FGD1: variants seen among roughly 807,000 people sequenced by gnomAD.
The protein encoded by FGD1 is FYVE, RhoGEF and PH domain containing 1, also known as FYVE, RhoGEF and PH domain-containing protein 1.
A neutral mutation model predicts 65.0 loss-of-function variants in FGD1; 12 were observed. The ratio of observed to expected loss-of-function variants is 0.18; its 90% CI spans 0.12 to 0.30. The LOEUF (loss-of-function observed/expected upper bound fraction) is 0.30. FGD1 is among the 10% of genes least tolerant of loss of function. The probability of loss-of-function intolerance (pLI) is 1.00; values close to 1 mark genes in which losing one functional copy is unlikely to be tolerated. For synonymous variants in FGD1, 333 were observed against 343.9 expected (o/e 0.97, Z 0.35); for missense variants, 542 against 837.6 (o/e 0.65, Z 4.36).
At chrX:54,470,894 A>G (rs1199060452) in intron 2 of FGD1, 134 bp from the exon 3 acceptor site, 4 of 433,612 alleles carry the variant, frequency 9.2e-6, no homozygotes, top group African/African-American at 7.6e-5. Flanking sequence ...CTGTAGTCCC[A>G]GCTACTTGGG....
intron 1 of FGD1, among the ~76,000 whole-genome samples, chrX:54,473,984 A>ATATATAT (rs1557190000): frequency 9.8e-6 from 1 of 101,852 alleles, no homozygotes; most frequent in Admixed American, 1.0e-4. Context: ...CATCTCAAAA[A>ATATATAT]AAAAATATAT....
rs1369357840 is a variant in FGD1 at position 54,486,554 on chromosome X, T to C, written c.307+8572A>G. On this transcript the variant is annotated intron_variant, in intron 1 of 17. Coordinates refer to ENST00000375135, the MANE Select transcript of FGD1 (RefSeq NM_004463.3). Reference sequence around the variant, plus strand: ...AGCCACTGCGCCTGGCTGATTTCTGTATTTTTAGTAGAGACAACATTACGC... The same window carrying C: ...AGCCACTGCGCCTGGCTGATTTCTGCATTTTTAGTAGAGACAACATTACGC... Among the ~76,000 whole-genome samples, 3 of 111,626 alleles carry C rather than the reference T, an allele frequency of 2.7e-5. No individual in the cohort carries two copies. In the Admixed American group the frequency reaches 2.8e-4, roughly 11 times the overall value.
chrX:54,494,359 C>A (rs1335795996), intron 1 of FGD1, among the ~76,000 whole-genome samples: 1 of 107,621 alleles, frequency 9.3e-6, no homozygotes, highest in Non-Finnish European at 1.9e-5. Context: ...TCCCGCCACA[C>A]ACACCTGGCA....
At chrX:54,492,572 C>T (rs946801227) in intron 1 of FGD1, among the ~76,000 whole-genome samples, 6 of 112,492 alleles carry the variant, frequency 5.3e-5, no homozygotes, top group Admixed American at 9.4e-5. Flanking sequence ...GCCGGCTGGG[C>T]AGTGGGGGAG....
Position 54,447,250 on chromosome X carries a change from T to C in FGD1, c.2580+61A>G, listed in dbSNP as rs138823666. The C allele has an allele frequency of 1.3e-3, 1,523 of 1,162,044 alleles. 7 individuals carry two copies. The African/African-American group carries it at 0.024, about 18-fold the overall frequency. ...CTTATCTTCCAAGGCCAAGGAGAGGTCAAGGACTGGATCTGGCTTTGCCAG... is the reference window on the plus strand; with the variant it reads ...CTTATCTTCCAAGGCCAAGGAGAGGCCAAGGACTGGATCTGGCTTTGCCAG... On this transcript the variant is annotated intron_variant, in intron 17 of 17. Coordinates refer to ENST00000375135, the MANE Select transcript of FGD1 (RefSeq NM_004463.3).
chrX:54,456,613 G>GA, intron 8 of FGD1, 46 bp from the exon 9 acceptor site: 1 of 1,065,575 alleles, frequency 9.4e-7, no homozygotes, highest in South Asian at 2.0e-5. Context: ...TAGCAGAGAG[G>GA]AGCCTTTCCG....
chrX:54,467,756 TG>T, intron 6 of FGD1, 27 bp downstream of exon 6: 2 of 1,164,201 alleles, frequency 1.7e-6, no homozygotes, highest in Non-Finnish European at 2.3e-6. Flanking sequence ...GACAGGGGAG[TG>T]GGCAGTCTAG....
rs962286681 is a variant in FGD1 at position 54,448,733 on chromosome X, T to G, written c.2436+73A>C. On this transcript the variant is annotated intron_variant, in intron 16 of 17. Transcript: ENST00000375135. ...CTACTGTTTCCCAAATACTCGGGCC[T>G]CCTCAGTCTCACTGGGTAGAGTTGG... 4.6e-6 allele frequency: 5 copies of G among 1,092,311 alleles called. No individual in the cohort carries two copies. The African/African-American group carries it at 7.2e-5, about 16-fold the overall frequency. 90.0% of individuals were successfully genotyped at this position (1,092,311 alleles called of 1,213,427 possible). A position where few individuals can be genotyped will look rare whatever the true frequency, so the allele number is the denominator to read the frequency against.
rs1272883506 is a variant in FGD1, at chrX:54,495,842, G to C, written c.-410C>G. 2 of 111,876 alleles carry C rather than the reference G, an allele frequency of 1.8e-5. No individual in the cohort carries two copies. Among genetic ancestry groups the C allele is most frequent in the African/African-American group, 6.5e-5 (2 of 30,952 alleles). 9.2% of individuals were successfully genotyped at this position (111,876 alleles called of 1,213,427 possible). On this transcript the variant is annotated 5_prime_UTR_variant, in exon 1 of 18. Transcript: ENST00000375135. Reference sequence around the variant, plus strand: ...TTCCGTGGCCCCGGGGCGAGAAGTCGGTCGGATCCAAGTGCGGGGTCTCTT... The same window carrying C: ...TTCCGTGGCCCCGGGGCGAGAAGTCCGTCGGATCCAAGTGCGGGGTCTCTT...
chrX:54,462,910 G>A (rs1922672172), intron 8 of FGD1, among the ~76,000 whole-genome samples: 1 of 108,525 alleles, frequency 9.2e-6, no homozygotes, highest in African/African-American at 3.4e-5. Context: ...AATTACAGGC[G>A]TGCACCATCA....
intron 2 of FGD1, 106 bp downstream of exon 2, chrX:54,471,208 G>T: frequency 1.1e-6 from 1 of 909,692 alleles, no homozygotes; most frequent in Non-Finnish European, 1.6e-6. Flanking sequence ...GAGCATGGTG[G>T]CTCCCTATCC....
At chrX:54,456,899 G>T (rs1034619493) in intron 8 of FGD1, among the ~76,000 whole-genome samples, 1 of 111,107 alleles carries the variant, frequency 9.0e-6, no homozygotes, top group African/African-American at 3.3e-5. Context: ...CCAAAGTGCT[G>T]GGATTACAGG....
chrX:54,452,673 G>C (rs1601949731), intron 12 of FGD1, among the ~76,000 whole-genome samples: 1 of 111,668 alleles, frequency 9.0e-6, no homozygotes, highest in East Asian at 2.8e-4. Context: ...TTGAACCCGG[G>C]AGGTGGAGGT....
At chrX:54,469,486 G>T (rs1016428295) in intron 4 of FGD1, among the ~76,000 whole-genome samples, 5 of 112,112 alleles carry the variant, frequency 4.5e-5, no homozygotes, top group Non-Finnish European at 9.4e-5. Context: ...TGAGTACCTG[G>T]GGTGTGAGAA....
chrX:54,447,886 G>C (rs1922270603), intron 16 of FGD1, among the ~76,000 whole-genome samples: 1 of 112,178 alleles, frequency 8.9e-6, no homozygotes, highest in African/African-American at 3.2e-5. Context: ...CCCAGCTCTA[G>C]ATGAAAATGT....
intron 2 of FGD1, among the ~76,000 whole-genome samples, chrX:54,471,086 A>G (rs1003723876): frequency 2.7e-5 from 3 of 110,435 alleles, no homozygotes; most frequent in South Asian, 4.0e-4. Flanking sequence ...ACAAACACCA[A>G]TCTGCACCTT....
intron 4 of FGD1, 86 bp downstream of exon 4, chrX:54,469,930 A>G (rs1922843113): frequency 1.1e-6 from 1 of 872,946 alleles, no homozygotes; most frequent in South Asian, 2.0e-5. Context: ...ATTTCGAGAA[A>G]TACTGAGCTA....
chrX:54,459,644 A>C, intron 8 of FGD1, among the ~76,000 whole-genome samples: 1 of 111,376 alleles, frequency 9.0e-6, no homozygotes, highest in East Asian at 2.8e-4. Flanking sequence ...AGCTCAGCTT[A>C]CGATCTTGGG....
chrX:54,449,986 G>A (rs1922340445), intron 13 of FGD1, among the ~76,000 whole-genome samples: 1 of 111,059 alleles, frequency 9.0e-6, no homozygotes, highest in South Asian at 3.8e-4. Flanking sequence ...AAAAACCTCA[G>A]GTGGCTTTCC....
Sources: allele counts gnomAD v4.1 joint callset (sites outside exome capture counted in the v4.1 genomes callset), GRCh38; gene constraint gnomAD v4.1.1; transcripts MANE v1.5; gene names NCBI Gene and HGNC (gene_info 2026-07-23, HGNC 2026-07-21).